Variants in KIZ observed in about 807,000 individuals in gnomAD.
The protein encoded by KIZ is kizuna centrosomal protein, also known as centrosomal protein kizuna.
KIZ carries 68 observed loss-of-function variants against 79.6 expected under a neutral mutation model. That is an observed-to-expected ratio of 0.85 (90% CI 0.70 to 1.05). The LOEUF is 1.05. KIZ is among the 50% of genes least tolerant of loss of function. The pLI, the probability that KIZ is intolerant of heterozygous loss-of-function variation, is 0.00. For synonymous variants in KIZ, 280 were observed against 281.8 expected, an observed-to-expected ratio of 0.99 and a Z score of 0.06; for missense variants, 797 against 800.4, an observed-to-expected ratio of 1.00 and a Z score of 0.05.
chr20:21,126,046 C>G (rs1052029332), upstream of KIZ: 3 of 1,409,274 alleles, frequency 2.1e-6, no homozygotes, highest in Non-Finnish European at 2.8e-6. Context: ...CATGGTGGGG[C>G]GGTCTCCTTC....
chr20:21,161,205 G>A (rs900286155), intron 4 of KIZ, among the ~76,000 whole-genome samples: 2 of 152,086 alleles, frequency 1.3e-5, no homozygotes, highest in African/African-American at 4.8e-5. Context: ...GTAGTTATAT[G>A]ACTTCTTTAT....
chr20:21,240,614 C>T (rs1038351862), intron 11 of KIZ, among the ~76,000 whole-genome samples: 3 of 152,224 alleles, frequency 2.0e-5, no homozygotes, highest in Non-Finnish European at 4.4e-5. Context: ...GGGGGAAAGG[C>T]AGGCTCTCTG....
At chr20:21,130,877 T>G (rs2031798137) in intron 1 of KIZ, among the ~76,000 whole-genome samples, 1 of 152,248 alleles carries the variant, frequency 6.6e-6, no homozygotes, top group African/African-American at 2.4e-5. Context: ...TAGAAACTGA[T>G]AATTAAGAGC....
At chr20:21,182,521 C>A (rs904243700) in intron 6 of KIZ, among the ~76,000 whole-genome samples, 1 of 152,108 alleles carries the variant, frequency 6.6e-6, no homozygotes, top group South Asian at 2.1e-4. Flanking sequence ...TAAGGCCAGG[C>A]GCAGTGGCTC....
At chr20:21,217,990 C>T (rs56853046) in intron 9 of KIZ, among the ~76,000 whole-genome samples, 2,912 of 152,252 alleles carry the variant, frequency 0.019, 91 homozygotes, top group African/African-American at 0.066. Flanking sequence ...TGCATACCTT[C>T]CTTGAGTTGT....
chr20:21,134,114 G>A (rs1024413657), intron 2 of KIZ, among the ~76,000 whole-genome samples: 4 of 152,158 alleles, frequency 2.6e-5, no homozygotes, highest in African/African-American at 9.7e-5. Flanking sequence ...CGACTGTGGC[G>A]ACTGTGGATG....
Position 21,180,534 on chromosome 20 carries a change from T to C in KIZ, c.1352+17375T>C, listed in dbSNP as rs373673207. Among the ~76,000 whole-genome samples, 645 of 152,246 alleles carry C rather than the reference T, an allele frequency of 4.2e-3. 2 individuals are homozygous for C. Among genetic ancestry groups the C allele is most frequent in the African/African-American group, 0.011 (450 of 41,542 alleles). On this transcript the variant is annotated intron_variant, in intron 6 of 12. Transcript: ENST00000619189. ...GGGAACCAGCAGTCAAGCCAAATCC[T>C]ACTACGGGTGTAGCAAAACTCAACT... is the stretch of plus-strand genomic sequence containing the variant.
chr20:21,196,999 A>G (rs576898741), intron 6 of KIZ: 82 of 152,332 alleles, frequency 5.4e-4, no homozygotes, highest in African/African-American at 1.9e-3. Flanking sequence ...AAATTAACAT[A>G]TTGCTTTATA....
At chr20:21,158,166 G>A (rs1207563018) in intron 4 of KIZ, among the ~76,000 whole-genome samples, 1 of 152,136 alleles carries the variant, frequency 6.6e-6, no homozygotes. Flanking sequence ...TTATATCAGT[G>A]TAATATATAT....
At chr20:21,175,745 C>G (rs917278734) in intron 6 of KIZ, among the ~76,000 whole-genome samples, 1 of 152,184 alleles carries the variant, frequency 6.6e-6, no homozygotes, top group Non-Finnish European at 1.5e-5. Flanking sequence ...CATGGTGGCT[C>G]ACTCATGCCT....
At chr20:21,159,846 CAT>C (rs1294040969) in intron 4 of KIZ, among the ~76,000 whole-genome samples, 1 of 152,132 alleles carries the variant, frequency 6.6e-6, no homozygotes, top group Non-Finnish European at 1.5e-5. Context: ...TTTGTGTAGT[CAT>C]ATGTTTACAC....
At position 21,161,856 on chromosome 20, in the gene KIZ, CTT is replaced by C. The variant is rs1424221125; in HGVS notation, c.406-12_406-11del. The C allele has an allele frequency of 6.3e-7, 1 of 1,590,872 alleles. No homozygotes were observed. The highest frequency in any genetic ancestry group is 8.6e-7 in the Non-Finnish European group (1 of 1,163,290). ...TACACAGTATGTTTAACTCACATCTCTTTTGGTGTTGCAGGTTGCAGTGCACG... is the reference window on the plus strand; with the variant it reads ...TACACAGTATGTTTAACTCACATCTCTTGGTGTTGCAGGTTGCAGTGCACG... On this transcript the variant is annotated splice_polypyrimidine_tract_variant and intron_variant, in intron 4 of 12. Transcript: ENST00000619189.
At chr20:21,203,621 A>G (rs1000018811) in intron 6 of KIZ, among the ~76,000 whole-genome samples, 1 of 152,186 alleles carries the variant, frequency 6.6e-6, no homozygotes, top group Non-Finnish European at 1.5e-5. Context: ...TTCTGCATTT[A>G]TTGGAAGAAC....
chr20:21,166,574 G>T, intron 6 of KIZ: 1 of 1,389,796 alleles, frequency 7.2e-7, no homozygotes, highest in Middle Eastern at 2.5e-4. Context: ...GAGAGCATCT[G>T]CCAGGACATT....
intron 9 of KIZ, 130 bp downstream of exon 9, chr20:21,215,778 G>A (rs2036263380): frequency 3.6e-6 from 2 of 554,166 alleles, no homozygotes; most frequent in Non-Finnish European, 6.7e-6. Flanking sequence ...GCTGGAGCAG[G>A]AGATTAATCC....
chr20:21,127,677 A>G (rs1343181859), intron 1 of KIZ, among the ~76,000 whole-genome samples: 2 of 152,220 alleles, frequency 1.3e-5, no homozygotes, highest in African/African-American at 4.8e-5. Flanking sequence ...AACTAACTCA[A>G]ATTAATGCAC....
At chr20:21,159,636 T>C (rs759099488) in intron 4 of KIZ, among the ~76,000 whole-genome samples, 14 of 152,234 alleles carry the variant, frequency 9.2e-5, no homozygotes, top group Admixed American at 3.3e-4. Context: ...CTTTTATGAC[T>C]GGCTTCTCAT....
At chr20:21,175,504 A>G (rs940944216) in intron 6 of KIZ, among the ~76,000 whole-genome samples, 17 of 152,210 alleles carry the variant, frequency 1.1e-4, no homozygotes, top group Admixed American at 9.8e-4. Flanking sequence ...TCAGAAGAAC[A>G]TGAGTGACAT....
At chr20:21,187,702 T>C (rs2034940165) in intron 6 of KIZ, among the ~76,000 whole-genome samples, 2 of 152,182 alleles carry the variant, frequency 1.3e-5, no homozygotes, top group African/African-American at 2.4e-5. Flanking sequence ...ATGTTTTGTT[T>C]TATGGTCCTG....
Sources: gnomAD v4.1 joint callset for allele counts (sites outside exome capture counted in the v4.1 genomes callset) on GRCh38, gnomAD v4.1.1 for gene constraint, MANE v1.5 for transcripts, NCBI Gene and HGNC (gene_info 2026-07-23, HGNC 2026-07-21) for gene names.